The following DLG2 variants were observed in gnomAD, a reference collection of about 807,000 sequenced individuals.
DLG2 encodes the protein disks large homolog 2.
Under a neutral mutation model 132.5 loss-of-function variants are expected in DLG2, and 45 were observed. The ratio of observed to expected loss-of-function variants is 0.34; its 90% confidence interval spans 0.27 to 0.44. The LOEUF (loss-of-function observed/expected upper bound fraction) is 0.44. Ranked by LOEUF, DLG2 falls within the 20% of genes least tolerant of loss-of-function variation. The pLI is 1.00. For missense variants in DLG2, 1,045 were observed against 1,196.9 expected, an observed-to-expected ratio of 0.87 and a Z score of 1.87; for synonymous variants, 424 against 419.6, an observed-to-expected ratio of 1.01 and a Z score of -0.13.
chr11:84,189,532 T>C (rs1232263892), intron 8 of DLG2, among the ~76,000 whole-genome samples: 1 of 152,146 alleles, frequency 6.6e-6, no homozygotes, highest in Non-Finnish European at 1.5e-5. Flanking sequence ...GTGTGTTCAC[T>C]ACAACACTAT....
intron 3 of DLG2, among the ~76,000 whole-genome samples, chr11:85,583,214 G>A (rs1479461346): frequency 1.4e-5 from 2 of 138,984 alleles, no homozygotes; most frequent in South Asian, 4.7e-4. Context: ...TGCCCAGGCT[G>A]GAGTGCAGTG....
intron 6 of DLG2, among the ~76,000 whole-genome samples, chr11:84,567,433 A>T (rs1316204819): frequency 6.6e-6 from 1 of 152,154 alleles, no homozygotes; most frequent in Non-Finnish European, 1.5e-5. Flanking sequence ...ACAATAAAGA[A>T]ATTACTCACA....
At position 84,191,732 on chromosome 11, in the gene DLG2, TAATA is replaced by T. The variant is rs559471648; in HGVS notation, c.574-28225_574-28222del. Among the ~76,000 whole-genome samples the T allele has an allele frequency of 2.1e-4, 32 of 152,302 alleles. 1 individual carries two copies. In the East Asian group the frequency reaches 6.2e-3, roughly 29 times the overall value. ...CCTGAAATAGATGGCAATTAACAGTTAATAAATAATCATTGACAACTGCATACAG... is the reference window on the plus strand; with the variant it reads ...CCTGAAATAGATGGCAATTAACAGTTAATAATCATTGACAACTGCATACAG... On this transcript the variant is annotated intron_variant, in intron 8 of 27. Transcript: ENST00000376104.
intron 7 of DLG2, among the ~76,000 whole-genome samples, chr11:84,511,146 A>T (rs919312261): frequency 6.6e-6 from 1 of 152,106 alleles, no homozygotes; most frequent in Non-Finnish European, 1.5e-5. Flanking sequence ...TGGGAAAATG[A>T]TAATGCATAA....
chr11:83,584,242 C>T (rs1244168690), intron 19 of DLG2, among the ~76,000 whole-genome samples: 1 of 152,196 alleles, frequency 6.6e-6, no homozygotes, highest in Admixed American at 6.5e-5. Flanking sequence ...TTATTCCTAG[C>T]ATCTAACACA....
chr11:84,356,360 G>A (rs909309860), intron 7 of DLG2, among the ~76,000 whole-genome samples: 8 of 152,092 alleles, frequency 5.3e-5, no homozygotes, highest in Non-Finnish European at 1.0e-4. Flanking sequence ...GAATCACGAA[G>A]CTTATATGCT....
At chr11:84,362,064 G>A (rs1335789962) in intron 7 of DLG2, among the ~76,000 whole-genome samples, 1 of 151,882 alleles carries the variant, frequency 6.6e-6, no homozygotes, top group African/African-American at 2.4e-5. Flanking sequence ...TATATCAAAT[G>A]TAAGTAGTCT....
At chr11:83,715,228 G>T (rs1365027901) in intron 18 of DLG2, among the ~76,000 whole-genome samples, 1 of 152,004 alleles carries the variant, frequency 6.6e-6, no homozygotes, top group Non-Finnish European at 1.5e-5. Context: ...AATCCACCAG[G>T]CACCAAACAT....
intron 15 of DLG2, among the ~76,000 whole-genome samples, chr11:83,905,856 G>C (rs1445134887): frequency 6.6e-6 from 1 of 151,910 alleles, no homozygotes; most frequent in Non-Finnish European, 1.5e-5. Context: ...TGTGTGATAG[G>C]GTGGGCCAAA....
chr11:83,503,369 TTATATATATATATATATATA>T lies in DLG2; in HGVS notation c.2194-19161_2194-19142del, dbSNP rs34969401. ...TATATATATACACACACACACCCAT[TTATATATATATATATATATA>T]TATATATATATATATATATATATAT... On this transcript the variant is annotated intron_variant, in intron 21 of 27. Transcript: ENST00000376104. Among the ~76,000 whole-genome samples, 123 of 90,714 alleles carry T rather than the reference TTATATATATATATATATATA, an allele frequency of 1.4e-3. 4 individuals carry two copies. The highest frequency in any genetic ancestry group is 9.8e-3 in the East Asian group (30 of 3,058). 59.5% of individuals were successfully genotyped at this position (90,714 alleles called of 152,430 possible). A position where few individuals can be genotyped will look rare whatever the true frequency, so the allele number is the denominator to read the frequency against.
At chr11:83,627,799 A>T (rs1262030698) in intron 19 of DLG2, among the ~76,000 whole-genome samples, 2 of 152,202 alleles carry the variant, frequency 1.3e-5, no homozygotes, top group Non-Finnish European at 2.9e-5. Context: ...ACTGACTTCC[A>T]CAATGGTTGA....
rs535652033 is a variant in DLG2 at position 83,590,657 on chromosome 11, T to A, written c.1940+42554A>T. 9.4e-4 allele frequency among the ~76,000 whole-genome samples: 143 copies of A among 151,956 alleles called. 3 individuals are homozygous for A. In the East Asian group the frequency reaches 0.014, roughly 15 times the overall value. On this transcript the variant is annotated intron_variant, in intron 19 of 27. Coordinates refer to ENST00000376104, the MANE Select transcript of DLG2 (RefSeq NM_001142699.3). ...ACTAAAATCAGAGCAGAACTGAAGGTAATAGAGACACCAAAAACCCTTCAA... is the reference window on the plus strand; with the variant it reads ...ACTAAAATCAGAGCAGAACTGAAGGAAATAGAGACACCAAAAACCCTTCAA...
intron 7 of DLG2, among the ~76,000 whole-genome samples, chr11:84,398,435 G>A (rs1269406642): frequency 1.3e-5 from 2 of 152,148 alleles, no homozygotes; most frequent in African/African-American, 4.8e-5. Context: ...AAAATTAATG[G>A]TGACCAGGAA....
At chr11:85,173,657 G>T (rs918247708) in intron 4 of DLG2, among the ~76,000 whole-genome samples, 16 of 152,124 alleles carry the variant, frequency 1.1e-4, no homozygotes, top group Non-Finnish European at 5.9e-5. Context: ...TGGGCTAAAT[G>T]TTCCAATTAG....
intron 21 of DLG2, among the ~76,000 whole-genome samples, chr11:83,489,629 A>G (rs1272500204): frequency 6.6e-6 from 1 of 152,036 alleles, no homozygotes; most frequent in African/African-American, 2.4e-5. Flanking sequence ...GCCATATTGC[A>G]ATATTAAGAG....
intron 6 of DLG2, among the ~76,000 whole-genome samples, chr11:84,909,384 GA>G (rs1419870836): frequency 2.0e-5 from 3 of 152,174 alleles, no homozygotes; most frequent in Non-Finnish European, 4.4e-5. Context: ...TGTGTGTATA[GA>G]AAGACTAGCT....
intron 6 of DLG2, among the ~76,000 whole-genome samples, chr11:85,015,326 T>C (rs747516926): frequency 9.9e-5 from 15 of 152,002 alleles, no homozygotes; most frequent in Non-Finnish European, 1.8e-4. Flanking sequence ...TTAGTTTATG[T>C]TCTAGTCCAA....
intron 6 of DLG2, among the ~76,000 whole-genome samples, chr11:84,569,810 A>G (rs1592596801): frequency 6.6e-6 from 1 of 152,218 alleles, no homozygotes; most frequent in Admixed American, 6.5e-5. Context: ...AACAAAAAGA[A>G]AGGAGAAGAC....
At chr11:85,400,500 T>C (rs1402547825) in intron 3 of DLG2, among the ~76,000 whole-genome samples, 3 of 149,432 alleles carry the variant, frequency 2.0e-5, no homozygotes, top group South Asian at 2.2e-4. Flanking sequence ...TATTGCGGCA[T>C]TATTCACAAT....
Sources: gnomAD v4.1 joint callset for allele counts (sites outside exome capture counted in the v4.1 genomes callset) on GRCh38, gnomAD v4.1.1 for gene constraint, MANE v1.5 for transcripts, NCBI Gene and HGNC (gene_info 2026-07-23, HGNC 2026-07-21) for gene names.